The following GLYATL2 variants were observed in gnomAD, a reference collection of about 807,000 sequenced individuals.
GLYATL2 encodes glycine N-acyltransferase-like protein 2.
A neutral mutation model predicts 21.4 loss-of-function variants in GLYATL2; 25 were observed. That is an observed-to-expected ratio of 1.17 (90% CI 0.85 to 1.63). The LOEUF (loss-of-function observed/expected upper bound fraction) is 1.63. Ranked by LOEUF, GLYATL2 falls within the 40% of genes most tolerant of loss-of-function variation. GLYATL2 has a pLI of 0.00. For missense variants in GLYATL2, 361 were observed against 343.3 expected, an observed-to-expected ratio of 1.05 and a Z score of -0.41; for synonymous variants, 114 against 118.2, an observed-to-expected ratio of 0.96 and a Z score of 0.23.
chr11:58,874,901 C>A (rs1435502502), intron 1 of GLYATL2, among the ~76,000 whole-genome samples: 1 of 151,996 alleles, frequency 6.6e-6, no homozygotes, highest in Non-Finnish European at 1.5e-5. Context: ...TTAAAGTCTC[C>A]CATTATTAAT....
At position 58,865,665 on chromosome 11, in the gene GLYATL2, T is replaced by A. The variant is rs923068894; in HGVS notation, n.61-27297A>T. On this transcript the variant is annotated intron_variant and non_coding_transcript_variant, in intron 1 of 4. Coordinates refer to the GLYATL2 transcript ENST00000533636. ...AATCTCTAATAAACCTCCTATCTGA[T>A]TTTCCTCTCTTTCAGAAAGTTAGGC... is the stretch of plus-strand genomic sequence containing the variant. 1.3e-5 allele frequency among the ~76,000 whole-genome samples: 2 copies of A among 148,912 alleles called. 1 individual carries two copies. Among genetic ancestry groups the A allele is most frequent in the Non-Finnish European group, 3.0e-5 (2 of 67,196 alleles).
intron 1 of GLYATL2, among the ~76,000 whole-genome samples, chr11:58,901,505 G>A (rs1282965212): frequency 1.3e-5 from 2 of 152,050 alleles, no homozygotes; most frequent in Non-Finnish European, 2.9e-5. Flanking sequence ...CAAGTGATAC[G>A]GTTGAACTTT....
chr11:58,900,605 G>T (rs1371230138), intron 1 of GLYATL2, among the ~76,000 whole-genome samples: 1 of 152,144 alleles, frequency 6.6e-6, no homozygotes, highest in Non-Finnish European at 1.5e-5. Context: ...CGGGGGGTAG[G>T]TTTGCCTAAA....
At chr11:58,880,515 G>T (rs559721748) in intron 1 of GLYATL2, among the ~76,000 whole-genome samples, 1 of 152,204 alleles carries the variant, frequency 6.6e-6, no homozygotes, top group East Asian at 1.9e-4. Context: ...GGTAGATCTT[G>T]AATTAAAACT....
In GLYATL2 at chr11:58,834,307, T is replaced by C; in HGVS notation, c.*122A>G. ...GAAGGTAAAACTGTTAAGGGTGAGC[T>C]TAAGTAATACACAGATCCTAGATAA... On this transcript the variant is annotated 3_prime_UTR_variant, in exon 6 of 6. Transcript: ENST00000287275. 1.4e-6 allele frequency: 1 copy of C among 731,566 alleles called. No homozygotes were observed. The allele number at this position is 731,566 out of a possible 1,614,324, so 45.3% of individuals were successfully genotyped here. A position where few individuals can be genotyped will look rare whatever the true frequency, so the allele number is the denominator to read the frequency against.
intron 1 of GLYATL2, among the ~76,000 whole-genome samples, chr11:58,858,497 C>T (rs1416405355): frequency 1.3e-5 from 2 of 151,742 alleles, no homozygotes; most frequent in Non-Finnish European, 2.9e-5. Flanking sequence ...ATCAAATAAG[C>T]CCTTCCCTTT....
intron 1 of GLYATL2, among the ~76,000 whole-genome samples, chr11:58,858,834 T>C (rs960866950): frequency 7.9e-5 from 12 of 152,174 alleles, no homozygotes; most frequent in Non-Finnish European, 1.2e-4. Context: ...TGGCCACCAT[T>C]TCACCCAAGG....
rs191561919 is a variant in GLYATL2 at position 58,889,557 on chromosome 11, C to T, written n.60+14599G>A. 3.0e-4 allele frequency among the ~76,000 whole-genome samples: 45 copies of T among 152,120 alleles called. No homozygotes were observed. In the East Asian group the frequency reaches 7.3e-3, roughly 25 times the overall value. On this transcript the variant is annotated intron_variant and non_coding_transcript_variant, in intron 1 of 4. Transcript: ENST00000533636. ...TTAGAGCATTTTCCTCTTGTTCCTACATTCATAGAACTTATATTTAGAATG... is the reference window on the plus strand; with the variant it reads ...TTAGAGCATTTTCCTCTTGTTCCTATATTCATAGAACTTATATTTAGAATG...
intron 1 of GLYATL2, among the ~76,000 whole-genome samples, chr11:58,896,132 G>C (rs893641778): frequency 1.3e-5 from 2 of 152,198 alleles, no homozygotes; most frequent in South Asian, 2.1e-4. Context: ...GAGTATTACA[G>C]GCATGAGCTA....
intron 1 of GLYATL2, among the ~76,000 whole-genome samples, chr11:58,876,031 T>G (rs528532793): frequency 6.6e-6 from 1 of 152,346 alleles, no homozygotes; most frequent in South Asian, 2.1e-4. Context: ...ATGCTTCATT[T>G]CATTCATTTC....
In GLYATL2 at chr11:58,896,353, G is replaced by A. The variant is rs112520741; in HGVS notation, n.60+7803C>T. Among the ~76,000 whole-genome samples, 36 of 152,126 alleles carry A rather than the reference G, an allele frequency of 2.4e-4. 2 individuals are homozygous for A. The highest frequency in any genetic ancestry group is 5.8e-4 in the African/African-American group (24 of 41,508). The stretch of plus-strand genomic sequence containing the variant: ...CTCAAGCTCATCTATAAAACTAACC[G>A]CAACTCGCCCCAAACCCGGAAACCT... On this transcript the variant is annotated intron_variant and non_coding_transcript_variant, in intron 1 of 4. Coordinates refer to the GLYATL2 transcript ENST00000533636.
upstream of GLYATL2, among the ~76,000 whole-genome samples, chr11:58,908,981 T>C (rs1854975077): frequency 6.6e-6 from 1 of 152,186 alleles, no homozygotes; most frequent in African/African-American, 2.4e-5. Flanking sequence ...GTTGCAGAAA[T>C]AACGAACTTC....
intron 1 of GLYATL2, among the ~76,000 whole-genome samples, chr11:58,887,720 G>T (rs1392247439): frequency 6.6e-6 from 1 of 152,170 alleles, no homozygotes; most frequent in East Asian, 1.9e-4. Context: ...TCAATGCAAT[G>T]CTATTTAGGC....
At chr11:58,842,934 G>A (rs899900301) in intron 1 of GLYATL2, among the ~76,000 whole-genome samples, 6 of 152,028 alleles carry the variant, frequency 3.9e-5, no homozygotes, top group African/African-American at 7.2e-5. Flanking sequence ...AAATGTATAC[G>A]CAGTTTCCAT....
intron 1 of GLYATL2, among the ~76,000 whole-genome samples, chr11:58,891,095 A>AT (rs1854536096): frequency 6.6e-6 from 1 of 152,076 alleles, no homozygotes. Flanking sequence ...ATTCACTGAG[A>AT]TTTTGGTTTT....
At chr11:58,860,945 C>T (rs921610910) in intron 1 of GLYATL2, among the ~76,000 whole-genome samples, 2 of 151,988 alleles carry the variant, frequency 1.3e-5, no homozygotes, top group African/African-American at 4.8e-5. Context: ...TATGTTAAAG[C>T]CCACTGTATC....
At chr11:58,837,586 T>A (rs76461817) in intron 3 of GLYATL2, among the ~76,000 whole-genome samples, 189 bp from the exon 4 acceptor site, 4,648 of 152,318 alleles carry the variant, frequency 0.031, 175 homozygotes, top group East Asian at 0.21. Flanking sequence ...TGCTTTCTTT[T>A]AGGGCACTAA....
intron 1 of GLYATL2, among the ~76,000 whole-genome samples, chr11:58,899,921 G>A (rs1021903897): frequency 1.1e-4 from 17 of 151,968 alleles, no homozygotes; most frequent in African/African-American, 3.6e-4. Context: ...ACGGCAATAA[G>A]CTCCTGAAAG....
chr11:58,850,483 A>G (rs551990960), intron 1 of GLYATL2, among the ~76,000 whole-genome samples: 2 of 152,210 alleles, frequency 1.3e-5, no homozygotes, highest in African/African-American at 2.4e-5. Context: ...CTTTATTCCA[A>G]TATTATAATA....
Sources: gnomAD v4.1 joint callset for allele counts (sites outside exome capture counted in the v4.1 genomes callset) on GRCh38, gnomAD v4.1.1 for gene constraint, MANE v1.5 for transcripts, NCBI Gene and HGNC (gene_info 2026-07-23, HGNC 2026-07-21) for gene names.